Variants in E2F5 observed in about 807,000 individuals in gnomAD.
E2F5 encodes the protein transcription factor E2F5.
In E2F5, 23 loss-of-function variants were observed where a neutral mutation model predicts 39.1. The observed-to-expected ratio is 0.59, with a 90% CI of 0.42 to 0.83. The LOEUF (loss-of-function observed/expected upper bound fraction) is 0.83, where lower values mean the gene tolerates loss of function less well. Ranked by LOEUF, E2F5 falls within the 40% of genes least tolerant of loss-of-function variation. The probability of loss-of-function intolerance (pLI) is 0.00; values close to 1 mark genes in which losing one functional copy is unlikely to be tolerated. For missense variants in E2F5, 365 were observed against 406.7 expected (o/e 0.90, Z 0.88); for synonymous variants, 145 against 157.8 (o/e 0.92, Z 0.61).
chr8:85,193,802 C>A (rs1434804405), intron 1 of E2F5, among the ~76,000 whole-genome samples: 1 of 152,152 alleles, frequency 6.6e-6, no homozygotes, highest in African/African-American at 2.4e-5. Flanking sequence ...ATTGCATGTA[C>A]CAATGGTTCA....
chr8:85,192,679 A>G (rs188969068), intron 1 of E2F5, among the ~76,000 whole-genome samples: 1 of 152,364 alleles, frequency 6.6e-6, no homozygotes, highest in East Asian at 1.9e-4. Flanking sequence ...GACAGTTTAT[A>G]CTAAAGAATT....
At chr8:85,203,288 T>C in intron 3 of E2F5, 33 bp downstream of exon 3, 4 of 1,503,060 alleles carry the variant, frequency 2.7e-6, no homozygotes, top group South Asian at 1.5e-5. Context: ...CATATACATA[T>C]AGCTTTGGAA....
chr8:85,196,330 C>A (rs895517848), intron 1 of E2F5, among the ~76,000 whole-genome samples: 3 of 152,154 alleles, frequency 2.0e-5, no homozygotes, highest in Non-Finnish European at 4.4e-5. Flanking sequence ...TCTCTTATAA[C>A]ATTTTGTCTA....
intron 2 of E2F5, 114 bp from the exon 3 acceptor site, chr8:85,202,980 T>C (rs1462232871): frequency 1.3e-6 from 1 of 776,462 alleles, no homozygotes; most frequent in Non-Finnish European, 1.8e-6. Flanking sequence ...TTTAAGAGTG[T>C]AAAGACTTCT....
intron 1 of E2F5, among the ~76,000 whole-genome samples, chr8:85,186,265 A>T (rs1812330855): frequency 6.6e-6 from 1 of 152,100 alleles, no homozygotes. Context: ...AATAACAGAA[A>T]ACCAAACACC....
At chr8:85,210,887 G>A (rs969635134) in intron 6 of E2F5, among the ~76,000 whole-genome samples, 1 of 152,102 alleles carries the variant, frequency 6.6e-6, no homozygotes, top group African/African-American at 2.4e-5. Context: ...GGCTACATTA[G>A]AGCAGGCCTT....
At chr8:85,181,146 C>T (rs1179071054) in intron 1 of E2F5, among the ~76,000 whole-genome samples, 2 of 152,122 alleles carry the variant, frequency 1.3e-5, no homozygotes, top group African/African-American at 2.4e-5. Context: ...CCCCTGTGAG[C>T]CACCGCTTCC....
intron 1 of E2F5, among the ~76,000 whole-genome samples, chr8:85,183,624 T>C (rs1203292499): frequency 1.3e-5 from 2 of 152,210 alleles, no homozygotes; most frequent in Admixed American, 6.5e-5. Flanking sequence ...GAGGACATAA[T>C]GCTAGGTGAA....
intron 1 of E2F5, among the ~76,000 whole-genome samples, chr8:85,193,758 T>C (rs557172411): frequency 3.5e-4 from 54 of 152,220 alleles, no homozygotes; most frequent in Non-Finnish European, 6.0e-4. Flanking sequence ...CTTAGCTTCT[T>C]TCACTTGGCA....
intron 1 of E2F5, among the ~76,000 whole-genome samples, chr8:85,189,694 T>A (rs1812419378): frequency 6.6e-6 from 1 of 152,202 alleles, no homozygotes; most frequent in Non-Finnish European, 1.5e-5. Context: ...TAAACATGAT[T>A]TATAATGTCT....
chr8:85,201,565 G>A (rs1051762085), intron 1 of E2F5, among the ~76,000 whole-genome samples: 43 of 152,174 alleles, frequency 2.8e-4, no homozygotes, highest in African/African-American at 9.2e-4. Flanking sequence ...GCAATCTTGA[G>A]CTATTGATTC....
chr8:85,213,426 C>T lies in E2F5; in HGVS notation c.932-327C>T, dbSNP rs559804939. 8 of 161,700 alleles carry T rather than the reference C, an allele frequency of 4.9e-5. No homozygotes were observed. The South Asian group carries it at 1.3e-3, about 27-fold the overall frequency. The allele number at this position is 161,700 out of a possible 1,614,324, so 10.0% of individuals were successfully genotyped here. Reference sequence around the variant, plus strand: ...TCGTGGTGGCAGGCACCTGTAGTCCCAGCTACTCGGGAGGCTGAGGCAGGA... The same window carrying T: ...TCGTGGTGGCAGGCACCTGTAGTCCTAGCTACTCGGGAGGCTGAGGCAGGA... On this transcript the variant is annotated intron_variant, in intron 7 of 7. Transcript: ENST00000416274.
chr8:85,183,680 T>C (rs766317374), intron 1 of E2F5, among the ~76,000 whole-genome samples: 10 of 152,142 alleles, frequency 6.6e-5, no homozygotes, highest in Non-Finnish European at 1.3e-4. Flanking sequence ...TCCACTTACG[T>C]GAGGTACCTG....
chr8:85,187,466 C>T (rs4150869), intron 1 of E2F5, among the ~76,000 whole-genome samples: 101,979 of 152,010 alleles, frequency 0.67, 34,707 homozygotes, highest in Non-Finnish European at 0.69. Flanking sequence ...TATTTAGGTG[C>T]TGCTATATTG....
chr8:85,181,940 G>T (rs962266661), intron 1 of E2F5, among the ~76,000 whole-genome samples: 5 of 145,420 alleles, frequency 3.4e-5, no homozygotes, highest in Admixed American at 2.8e-4. Context: ...CATCCTGGGC[G>T]ACAAGAGCGA....
At chr8:85,199,459 G>A (rs1812646001) in intron 1 of E2F5, among the ~76,000 whole-genome samples, 1 of 152,184 alleles carries the variant, frequency 6.6e-6, no homozygotes, top group East Asian at 1.9e-4. Context: ...CAGGGACTTT[G>A]TTCTGTCACA....
chr8:85,180,633 A>G (rs1812191633), intron 1 of E2F5, among the ~76,000 whole-genome samples: 1 of 124,570 alleles, frequency 8.0e-6, no homozygotes, highest in Non-Finnish European at 1.6e-5. Context: ...GCGGGAGTGC[A>G]GTGGCGCAAT....
intron 6 of E2F5, among the ~76,000 whole-genome samples, chr8:85,211,649 T>G (rs1402177616): frequency 1.5e-5 from 2 of 133,452 alleles, no homozygotes; most frequent in African/African-American, 5.8e-5. Context: ...TGTTGTTTTT[T>G]TTTTTTTTTT....
intron 1 of E2F5, among the ~76,000 whole-genome samples, chr8:85,188,006 G>A (rs547191751): frequency 5.9e-5 from 9 of 152,222 alleles, no homozygotes; most frequent in African/African-American, 2.2e-4. Context: ...ATTTTAAGCT[G>A]ATAACAAGTT....
Sources: gnomAD v4.1 joint callset for allele counts (sites outside exome capture counted in the v4.1 genomes callset) on GRCh38, gnomAD v4.1.1 for gene constraint, MANE v1.5 for transcripts, NCBI Gene and HGNC (gene_info 2026-07-23, HGNC 2026-07-21) for gene names.